The following PDCD10 variants were observed in gnomAD, a reference collection of about 807,000 sequenced individuals.
The protein encoded by PDCD10 is programmed cell death 10.
In PDCD10, 4 loss-of-function variants were observed where a neutral mutation model predicts 29.2. The ratio of observed to expected loss-of-function variants is 0.14; its 90% CI spans 0.07 to 0.31. The LOEUF is 0.31. PDCD10 is among the 10% of genes least tolerant of loss of function. The pLI is 1.00. For missense variants in PDCD10, 183 were observed against 257.9 expected, an observed-to-expected ratio of 0.71 and a Z score of 1.99; for synonymous variants, 70 against 82.2, an observed-to-expected ratio of 0.85 and a Z score of 0.80.
At chr3:167,714,409 C>T (rs1321147660) in intron 3 of PDCD10, among the ~76,000 whole-genome samples, 2 of 151,818 alleles carry the variant, frequency 1.3e-5, no homozygotes, top group African/African-American at 2.4e-5. Context: ...CCACTGTCAC[C>T]GTTATTCAAC....
intron 6 of PDCD10, chr3:167,694,624 AC>A (rs1720605939): frequency 6.5e-6 from 1 of 152,736 alleles, no homozygotes; most frequent in Non-Finnish European, 1.5e-5. Flanking sequence ...AGCTGAGCTG[AC>A]CGTCCTCTTG....
At chr3:167,713,536 A>T (rs1235197694) in intron 3 of PDCD10, among the ~76,000 whole-genome samples, 1 of 151,992 alleles carries the variant, frequency 6.6e-6, no homozygotes, top group Admixed American at 6.6e-5. Flanking sequence ...CCAAACCCAA[A>T]ATTAGTAGAG....
chr3:167,725,816 T>C (rs1163076577), intron 2 of PDCD10, among the ~76,000 whole-genome samples: 1 of 125,690 alleles, frequency 8.0e-6, no homozygotes, highest in Non-Finnish European at 1.7e-5. Context: ...TATATATGCT[T>C]TAAAAATATT....
At chr3:167,723,948 T>C (rs753062089) in intron 2 of PDCD10, among the ~76,000 whole-genome samples, 2 of 152,238 alleles carry the variant, frequency 1.3e-5, no homozygotes, top group Admixed American at 6.5e-5. Context: ...AATATCTTCC[T>C]GAGCTGAAGA....
At chr3:167,695,524 T>TA (rs1377898068) in intron 6 of PDCD10, 72 bp downstream of exon 6, 6 of 1,395,982 alleles carry the variant, frequency 4.3e-6, no homozygotes, top group Non-Finnish European at 6.1e-6. Flanking sequence ...ATACCAAAAT[T>TA]AAAAAATGTA....
chr3:167,713,581 T>C (rs997385500), intron 3 of PDCD10, among the ~76,000 whole-genome samples: 1 of 151,536 alleles, frequency 6.6e-6, no homozygotes, highest in Non-Finnish European at 1.5e-5. Context: ...ATAAATGAAA[T>C]TGAAACAAAG....
chr3:167,685,576 A>G (rs1719532625), intron 8 of PDCD10, among the ~76,000 whole-genome samples: 1 of 152,098 alleles, frequency 6.6e-6, no homozygotes, highest in African/African-American at 2.4e-5. Context: ...GAATTTTAAA[A>G]AGCTGCTGAA....
chr3:167,733,598 C>T (rs1725045476), intron 2 of PDCD10, among the ~76,000 whole-genome samples: 1 of 152,096 alleles, frequency 6.6e-6, no homozygotes, highest in South Asian at 2.1e-4. Context: ...ACGATGTTAC[C>T]TCCAAGAAAT....
chr3:167,727,375 T>C (rs1231814973), intron 2 of PDCD10, among the ~76,000 whole-genome samples: 1 of 152,210 alleles, frequency 6.6e-6, no homozygotes, highest in Non-Finnish European at 1.5e-5. Context: ...TTTTTTTTCC[T>C]ATGTCTAAAT....
intron 6 of PDCD10, among the ~76,000 whole-genome samples, chr3:167,693,273 C>T (rs1460942831): frequency 6.6e-6 from 1 of 152,190 alleles, no homozygotes; most frequent in East Asian, 1.9e-4. Context: ...AGGATCAGTA[C>T]ACAGACATTT....
At chr3:167,728,342 C>G (rs562975178) in intron 2 of PDCD10, among the ~76,000 whole-genome samples, 1 of 152,150 alleles carries the variant, frequency 6.6e-6, no homozygotes, top group African/African-American at 2.4e-5. Context: ...CCAGGTCTGA[C>G]TCATTTAACA....
chr3:167,730,217 T>A (rs529625931), intron 2 of PDCD10, among the ~76,000 whole-genome samples: 1 of 152,260 alleles, frequency 6.6e-6, no homozygotes, highest in African/African-American at 2.4e-5. Flanking sequence ...GCATTGTGTG[T>A]GTGTGTGTGT....
chr3:167,698,503 T>G (rs1397391972), intron 4 of PDCD10, among the ~76,000 whole-genome samples: 12 of 152,046 alleles, frequency 7.9e-5, no homozygotes, highest in Admixed American at 7.9e-4. Context: ...GCCACTGCAC[T>G]CCAGCCTATG....
intron 3 of PDCD10, among the ~76,000 whole-genome samples, chr3:167,711,256 G>A (rs879856696): frequency 2.6e-5 from 4 of 152,146 alleles, no homozygotes; most frequent in Non-Finnish European, 5.9e-5. Context: ...CTGTGTTGAG[G>A]AAACACAATG....
intron 2 of PDCD10, among the ~76,000 whole-genome samples, chr3:167,722,783 G>A (rs1411150511): frequency 6.6e-6 from 1 of 152,172 alleles, no homozygotes; most frequent in East Asian, 1.9e-4. Context: ...AGTGGCCAGA[G>A]TCACTTTCAG....
intron 2 of PDCD10, among the ~76,000 whole-genome samples, chr3:167,720,835 A>G (rs144889356): frequency 6.6e-6 from 1 of 152,122 alleles, no homozygotes; most frequent in Non-Finnish European, 1.5e-5. Context: ...ATTGAAAAAA[A>G]TTCTACCAAA....
chr3:167,707,942 C>T (rs1326976822), intron 3 of PDCD10, among the ~76,000 whole-genome samples: 2 of 152,016 alleles, frequency 1.3e-5, no homozygotes, highest in African/African-American at 4.8e-5. Flanking sequence ...TTCATCTCTC[C>T]TAAAAGAGAA....
intron 4 of PDCD10, among the ~76,000 whole-genome samples, chr3:167,698,359 G>C (rs1721020209): frequency 6.6e-6 from 1 of 152,026 alleles, no homozygotes; most frequent in Admixed American, 6.5e-5. Flanking sequence ...TCCTTCCATG[G>C]ATATATATTT....
At chr3:167,709,154 A>G (rs12494861) in intron 3 of PDCD10, among the ~76,000 whole-genome samples, 28,591 of 152,028 alleles carry the variant, frequency 0.19, 2,899 homozygotes, top group South Asian at 0.22. Flanking sequence ...CATGAAAAAA[A>G]AAAACTAAGA....
Sources: allele counts gnomAD v4.1 joint callset (sites outside exome capture counted in the v4.1 genomes callset), GRCh38; gene constraint gnomAD v4.1.1; transcripts MANE v1.5; gene names NCBI Gene and HGNC (gene_info 2026-07-23, HGNC 2026-07-21).